GRID2: variants seen among roughly 807,000 people sequenced by gnomAD.
The protein encoded by GRID2 is glutamate ionotropic receptor delta type subunit 2.
In GRID2, 33 loss-of-function variants were observed where a neutral mutation model predicts 114.8. That is an observed-to-expected ratio of 0.29 (90% CI 0.22 to 0.38). The LOEUF is 0.38. GRID2 is among the 10% of genes least tolerant of loss of function. The pLI, the probability that GRID2 is intolerant of heterozygous loss-of-function variation, is 1.00. For synonymous variants in GRID2, 505 were observed against 449.9 expected (o/e 1.12, Z -1.55); for missense variants, 1,184 against 1,257.7 (o/e 0.94, Z 0.89).
chr4:93,808,050 A>T (rs1706404642), exon 2 of GRID2: 2 of 152,148 alleles, frequency 1.3e-5, no homozygotes, highest in African/African-American at 4.8e-5. Context: ...ATTAAAGCCA[A>T]CAAGCAGCAG....
chr4:93,471,698 A>ATTTTTTTGTTTTTTT (rs1724815710), intron 11 of GRID2, among the ~76,000 whole-genome samples: 1 of 61,008 alleles, frequency 1.6e-5, no homozygotes, highest in Non-Finnish European at 3.2e-5. Context: ...CCTGAATTCA[A>ATTTTTTTGTTTTTTT]TTTTTTTTTT....
intron 1 of GRID2, among the ~76,000 whole-genome samples, chr4:92,574,808 A>G (rs564000377): frequency 6.6e-6 from 1 of 151,976 alleles, no homozygotes; most frequent in Non-Finnish European, 1.5e-5. Context: ...CTTGGGGATG[A>G]TCTTCTCATG....
intron 1 of GRID2, among the ~76,000 whole-genome samples, chr4:92,399,628 T>A (rs953808716): frequency 2.7e-5 from 4 of 148,002 alleles, no homozygotes; most frequent in African/African-American, 7.6e-5. Context: ...TTGGATAGAA[T>A]AAAAGCAGCT....
At chr4:92,586,784 AG>A (rs1190581349) in intron 1 of GRID2, among the ~76,000 whole-genome samples, 3 of 152,018 alleles carry the variant, frequency 2.0e-5, no homozygotes, top group African/African-American at 4.8e-5. Context: ...TGTTTTCAGT[AG>A]CATTACATGT....
intron 14 of GRID2, among the ~76,000 whole-genome samples, chr4:93,705,397 G>A (rs913268074): frequency 6.6e-6 from 1 of 150,676 alleles, no homozygotes; most frequent in Non-Finnish European, 1.5e-5. Flanking sequence ...GTGGCTTGAT[G>A]TCAGCTCACT....
At chr4:92,732,746 T>C (rs534960087) in intron 2 of GRID2, among the ~76,000 whole-genome samples, 1 of 152,234 alleles carries the variant, frequency 6.6e-6, no homozygotes, top group Non-Finnish European at 1.5e-5. Flanking sequence ...TCTATCTACC[T>C]ATCTAACAGA....
rs548056924 is a variant in GRID2 at position 93,499,922 on chromosome 4, A to T, written c.1997+9145A>T. Among the ~76,000 whole-genome samples the T allele has an allele frequency of 5.3e-5, 8 of 152,148 alleles. No homozygotes were observed. In the East Asian group the frequency reaches 1.6e-3, roughly 30 times the overall value. On this transcript the variant is annotated intron_variant, in intron 12 of 15. Coordinates refer to ENST00000282020, the MANE Select transcript of GRID2 (RefSeq NM_001510.4). ...TAGTAAACCCAGGCAATCTAGCACT[A>T]TAACTTTTTACCAGGGGAACATATT... is the stretch of plus-strand genomic sequence containing the variant.
intron 2 of GRID2, among the ~76,000 whole-genome samples, chr4:93,083,225 A>G (rs1730031660): frequency 6.6e-6 from 1 of 152,192 alleles, no homozygotes; most frequent in Non-Finnish European, 1.5e-5. Flanking sequence ...TATATAAATC[A>G]TTAATGGTCA....
chr4:93,284,051 T>C (rs1186633977), intron 8 of GRID2, among the ~76,000 whole-genome samples: 1 of 152,096 alleles, frequency 6.6e-6, no homozygotes. Context: ...ACATCTAGTT[T>C]GATTTTCTTT....
At chr4:93,595,976 G>A (rs777646213) in intron 13 of GRID2, among the ~76,000 whole-genome samples, 19 of 152,208 alleles carry the variant, frequency 1.2e-4, no homozygotes, top group Non-Finnish European at 2.1e-4. Flanking sequence ...ATTTTGACAC[G>A]AATTTTATGG....
At chr4:93,621,223 G>A (rs1255377698) in intron 13 of GRID2, among the ~76,000 whole-genome samples, 1 of 152,124 alleles carries the variant, frequency 6.6e-6, no homozygotes, top group Non-Finnish European at 1.5e-5. Flanking sequence ...TTTATCACGG[G>A]GAGTCTATTG....
In GRID2 at chr4:93,044,370, C is replaced by CT. The variant is rs879846748; in HGVS notation, c.245-40615dup. 2.8e-3 allele frequency among the ~76,000 whole-genome samples: 411 copies of CT among 148,780 alleles called. 1 individual carries two copies. The highest frequency in any genetic ancestry group is 8.8e-3 in the African/African-American group (358 of 40,732). ...AAGATACTTTTAGTTTAAAAAGCAT[C>CT]TTTTTTTTTTCCAAAAACACTTAGC... On this transcript the variant is annotated intron_variant, in intron 2 of 15. Coordinates refer to ENST00000282020, the MANE Select transcript of GRID2 (RefSeq NM_001510.4).
rs116514463 is a variant in GRID2, at chr4:93,383,616, C to A, written c.1246-11991C>A. Among the ~76,000 whole-genome samples, 1,214 of 152,170 alleles carry A rather than the reference C, an allele frequency of 8.0e-3. 11 individuals carry two copies. The highest frequency in any genetic ancestry group is 0.028 in the African/African-American group (1,169 of 41,538). On this transcript the variant is annotated intron_variant, in intron 8 of 15. Transcript: ENST00000282020. Reference sequence around the variant, plus strand: ...GCTTCCCAAAATCTTCCTTTCTAATCTTGTTTCTCTCCTTGAAAGCTGGGG... The same window carrying A: ...GCTTCCCAAAATCTTCCTTTCTAATATTGTTTCTCTCCTTGAAAGCTGGGG...
chr4:92,508,677 T>C (rs945893852), intron 1 of GRID2, among the ~76,000 whole-genome samples: 2 of 151,902 alleles, frequency 1.3e-5, no homozygotes, highest in African/African-American at 4.8e-5. Flanking sequence ...TTCTAGAAGA[T>C]GGTGCGAGAG....
chr4:92,810,577 G>C (rs1292106356), intron 2 of GRID2, among the ~76,000 whole-genome samples: 1 of 152,028 alleles, frequency 6.6e-6, no homozygotes, highest in African/African-American at 2.4e-5. Context: ...TATAAAATTT[G>C]TGAGGCATTT....
chr4:92,796,956 G>A (rs1739910296), intron 2 of GRID2, among the ~76,000 whole-genome samples: 1 of 151,818 alleles, frequency 6.6e-6, no homozygotes, highest in Non-Finnish European at 1.5e-5. Flanking sequence ...AAAAGTGGAA[G>A]GTATTTTGCA....
At chr4:93,204,765 A>G (rs1742506154) in intron 4 of GRID2, among the ~76,000 whole-genome samples, 1 of 152,176 alleles carries the variant, frequency 6.6e-6, no homozygotes, top group African/African-American at 2.4e-5. Context: ...CTGTTGCACA[A>G]AACAACTTCT....
intron 2 of GRID2, among the ~76,000 whole-genome samples, chr4:92,704,948 A>T (rs545344773): frequency 4.1e-4 from 63 of 152,232 alleles, no homozygotes; most frequent in Non-Finnish European, 6.9e-4. Flanking sequence ...TTATTCTATA[A>T]AATGCTATCC....
At chr4:92,966,424 C>T (rs1018499600) in intron 2 of GRID2, among the ~76,000 whole-genome samples, 3 of 151,954 alleles carry the variant, frequency 2.0e-5, no homozygotes, top group African/African-American at 7.2e-5. Flanking sequence ...ATGTTATGCT[C>T]ATGATTCACA....
Sources: allele counts gnomAD v4.1 joint callset (sites outside exome capture counted in the v4.1 genomes callset), GRCh38; gene constraint gnomAD v4.1.1; transcripts MANE v1.5; gene names NCBI Gene and HGNC (gene_info 2026-07-23, HGNC 2026-07-21).